RHPN2: variants seen among roughly 807,000 people sequenced by gnomAD.
RHPN2 encodes rhophilin-2.
RHPN2 carries 40 observed loss-of-function variants against 79.0 expected under a neutral mutation model. The observed-to-expected ratio is 0.51, with a 90% CI of 0.39 to 0.66. The LOEUF (loss-of-function observed/expected upper bound fraction) is 0.66. Ranked by LOEUF, RHPN2 falls within the 30% of genes least tolerant of loss-of-function variation. The pLI, the probability that RHPN2 is intolerant of heterozygous loss-of-function variation, is 0.00. For missense variants in RHPN2, 686 were observed against 883.5 expected, an observed-to-expected ratio of 0.78 and a Z score of 2.83; for synonymous variants, 285 against 363.5, an observed-to-expected ratio of 0.78 and a Z score of 2.46.
In RHPN2 at chr19:33,044,356, A is replaced by G. The variant is rs1972125216; in HGVS notation, c.78T>C (p.Asn26=). The G allele has an allele frequency of 1.2e-6, 2 of 1,613,568 alleles. No homozygotes were observed. Among genetic ancestry groups the G allele is most frequent in the Non-Finnish European group, 1.7e-6 (2 of 1,179,688 alleles). ...ENDGYFRKGC[N]PLAQTGRSKL... is the part of the protein sequence containing the mutation. ...TACTCCGGCCGGTTTGTGCAAGGGG[A>G]TTACAGCCCTGAGGAAAAATAAGAG... The change falls in exon 2 of 15, where the codon AAT becomes AAC. Residue 26 remains asparagine (N), a synonymous_variant. Transcript: ENST00000254260.
At chr19:33,000,324 G>A (rs182487222) in intron 9 of RHPN2, among the ~76,000 whole-genome samples, 2 of 151,482 alleles carry the variant, frequency 1.3e-5, no homozygotes, top group African/African-American at 2.4e-5. Context: ...GGGTTCAAGC[G>A]ATTCTCCTGC....
At chr19:33,058,871 T>C (rs6510338) in intron 1 of RHPN2, among the ~76,000 whole-genome samples, 62,420 of 151,848 alleles carry the variant, frequency 0.41, 16,198 homozygotes, top group African/African-American at 0.72. Context: ...CCAAGGTGGG[T>C]GGATCACTTG....
At chr19:33,051,201 A>G (rs938331265) in intron 1 of RHPN2, among the ~76,000 whole-genome samples, 12 of 152,206 alleles carry the variant, frequency 7.9e-5, no homozygotes, top group African/African-American at 2.9e-4. Flanking sequence ...CATGTTGGCC[A>G]GGCTGGTCTC....
At chr19:33,034,722 G>C (rs1424491256) in intron 2 of RHPN2, among the ~76,000 whole-genome samples, 4 of 146,816 alleles carry the variant, frequency 2.7e-5, no homozygotes, top group Admixed American at 6.9e-5. Context: ...CGGAGGCTGT[G>C]GTGAGCCAAG....
chr19:32,980,217 T>A lies in RHPN2; in HGVS notation c.1840A>T (p.Thr614Ser). The change falls in exon 15 of 15, where the codon ACG (threonine) becomes TCG (serine). Residue 614 changes from threonine to serine, a missense_variant. By Grantham distance (58) the Thr-to-Ser change is moderately conservative. Transcript: ENST00000254260. ...ATGGCTAAGCAGATCATGGAGTACG[T>A]TTTCTGCATTCCCACGGAGTATGTG... ...SATYSVGMQKTYSMICLAIDD... is the reference protein window; with the variant it reads ...SATYSVGMQKSYSMICLAIDD... 6.2e-7 allele frequency: 1 copy of A among 1,613,864 alleles called. No individual in the cohort carries two copies. The highest frequency in any genetic ancestry group is 8.5e-7 in the Non-Finnish European group (1 of 1,179,838).
rs75751547 is a variant in RHPN2, at chr19:33,036,367, A to G, written c.185+7882T>C. 0.023 allele frequency among the ~76,000 whole-genome samples: 3,530 copies of G among 152,012 alleles called. 392 individuals carry two copies. The East Asian group carries it at 0.36, about 15-fold the overall frequency. Reference sequence around the variant, plus strand: ...ATTTGAAAATGAAAATTAGCTGGGAATGGTGGTATACGTGTATAGTCCCAG... The same window carrying G: ...ATTTGAAAATGAAAATTAGCTGGGAGTGGTGGTATACGTGTATAGTCCCAG... On this transcript the variant is annotated intron_variant, in intron 2 of 14. Transcript: ENST00000254260.
intron 4 of RHPN2, among the ~76,000 whole-genome samples, chr19:33,013,353 C>A (rs10410247): frequency 1.3e-5 from 2 of 151,436 alleles, no homozygotes; most frequent in Admixed American, 1.3e-4. Flanking sequence ...TGCCACCATG[C>A]GCAGCTAATT....
At chr19:33,028,208 G>A (rs1200626482) in intron 2 of RHPN2, among the ~76,000 whole-genome samples, 1 of 149,726 alleles carries the variant, frequency 6.7e-6, no homozygotes, top group Non-Finnish European at 1.5e-5. Context: ...CTAGGCTGGA[G>A]TGCAATGTCA....
At chr19:32,982,668 A>G (rs1971584087) in intron 14 of RHPN2, among the ~76,000 whole-genome samples, 4 of 151,986 alleles carry the variant, frequency 2.6e-5, no homozygotes, top group South Asian at 4.1e-4. Flanking sequence ...TCCATTGTGT[A>G]TCAAAACCAC....
intron 10 of RHPN2, 81 bp downstream of exon 10, chr19:32,999,505 G>A: frequency 1.3e-6 from 2 of 1,558,446 alleles, no homozygotes; most frequent in South Asian, 2.3e-5. Context: ...GCCCTCTTCA[G>A]GGACCTCTCT....
At chr19:32,985,386 C>T (rs912630310) in intron 14 of RHPN2, among the ~76,000 whole-genome samples, 2 of 152,012 alleles carry the variant, frequency 1.3e-5, no homozygotes, top group Non-Finnish European at 1.5e-5. Flanking sequence ...CCTGTAATCC[C>T]GGCACTTTGG....
chr19:32,996,852 C>T (rs1426111184), intron 10 of RHPN2, among the ~76,000 whole-genome samples: 5 of 152,030 alleles, frequency 3.3e-5, no homozygotes, highest in African/African-American at 9.7e-5. Flanking sequence ...CTCTATAACT[C>T]GCTTGGTTAC....
At position 33,019,792 on chromosome 19, in the gene RHPN2, AG is replaced by A. The variant is rs1291160955; in HGVS notation, c.390+1778del. On this transcript the variant is annotated intron_variant, in intron 4 of 14. Transcript: ENST00000254260. ...ATAATAAAGAAAAAGAAAAAAAAAA[AG>A]AACGTAAAATATTTCTTCAAAGCAA... Among the ~76,000 whole-genome samples the A allele has an allele frequency of 2.0e-5, 3 of 152,094 alleles. No homozygotes were observed. In the East Asian group the frequency reaches 5.8e-4, roughly 29 times the overall value.
intron 12 of RHPN2, among the ~76,000 whole-genome samples, chr19:32,993,486 A>G (rs1362652555): frequency 6.6e-6 from 1 of 152,116 alleles, no homozygotes. Flanking sequence ...AAAACAAATA[A>G]ATAAAAATAA....
intron 1 of RHPN2, among the ~76,000 whole-genome samples, chr19:33,058,575 G>A (rs952920200): frequency 2.0e-5 from 3 of 151,356 alleles, no homozygotes; most frequent in Non-Finnish European, 2.9e-5. Context: ...CAGTCAAGAG[G>A]TTGAGACCAT....
rs766256907 is a variant in RHPN2 at position 32,996,185 on chromosome 19, C to G, written c.1261G>C (p.Glu421Gln). 6.2e-7 allele frequency: 1 copy of G among 1,614,184 alleles called. No individual in the cohort carries two copies. Among genetic ancestry groups the G allele is most frequent in the African/African-American group, 1.3e-5 (1 of 75,058 alleles). ...SHLRRAMAHH[E>Q]ESVREASLCK... Reference sequence around the variant, plus strand: ...AGGCTGGCCTCCCGCACCGACTCCTCGTGATGAGCCATGGCTCTGCGCAAG... The same window carrying G: ...AGGCTGGCCTCCCGCACCGACTCCTGGTGATGAGCCATGGCTCTGCGCAAG... Residue 421 changes from glutamate to glutamine, a missense_variant, in exon 11 of 15, where the codon GAG becomes CAG. Coordinates refer to ENST00000254260, the MANE Select transcript of RHPN2 (RefSeq NM_033103.5).
At chr19:32,996,955 GT>G (rs1183968606) in intron 10 of RHPN2, among the ~76,000 whole-genome samples, 1 of 152,044 alleles carries the variant, frequency 6.6e-6, no homozygotes, top group African/African-American at 2.4e-5. Flanking sequence ...GAGTACAGTG[GT>G]GCAATCATGG....
chr19:33,030,829 G>A (rs1972004897), intron 2 of RHPN2, among the ~76,000 whole-genome samples: 1 of 152,164 alleles, frequency 6.6e-6, no homozygotes, highest in Non-Finnish European at 1.5e-5. Context: ...TCTGACCCCA[G>A]CTCCCGGCGT....
chr19:33,064,860 G>A lies in RHPN2; in HGVS notation c.-8C>T, dbSNP rs998487882. 1.1e-5 allele frequency: 17 copies of A among 1,503,980 alleles called. No individual in the cohort carries two copies. In the African/African-American group the frequency reaches 1.6e-4, roughly 14 times the overall value. 93.2% of individuals were successfully genotyped at this position (1,503,980 alleles called of 1,614,324 possible). A position where few individuals can be genotyped will look rare whatever the true frequency, so the allele number is the denominator to read the frequency against. ...CAACAGCGCGTCGGTCATGCTAGCG[G>A]CGCGGGCGCGGAGGGCGGACGGCGG... is the stretch of plus-strand genomic sequence containing the variant. On this transcript the variant is annotated 5_prime_UTR_variant, in exon 1 of 15. Transcript: ENST00000254260.
Sources: allele counts gnomAD v4.1 joint callset (sites outside exome capture counted in the v4.1 genomes callset), GRCh38; gene constraint gnomAD v4.1.1; transcripts MANE v1.5; gene names NCBI Gene and HGNC (gene_info 2026-07-23, HGNC 2026-07-21).